IFNG-AS1: variants seen among roughly 807,000 people sequenced by gnomAD.
IFNG-AS1 encodes IFNG antisense RNA 1 (non-protein coding).
intron 3 of IFNG-AS1, among the ~76,000 whole-genome samples, chr12:68,011,161 C>T (rs147751051): frequency 0.02 from 3,116 of 152,230 alleles, 39 homozygotes; most frequent in Non-Finnish European, 0.031. Flanking sequence ...GGAAACTGTA[C>T]GACCAGAGGC....
intron 3 of IFNG-AS1, among the ~76,000 whole-genome samples, chr12:68,016,914 A>G (rs1278487573): frequency 3.3e-5 from 5 of 152,184 alleles, no homozygotes; most frequent in Non-Finnish European, 7.3e-5. Context: ...TGCCATGGTG[A>G]ATGCAGCAGG....
intron 2 of IFNG-AS1, among the ~76,000 whole-genome samples, chr12:67,999,488 A>T (rs1263562983): frequency 1.3e-5 from 2 of 152,224 alleles, no homozygotes; most frequent in Non-Finnish European, 2.9e-5. Context: ...AATGGTGGAC[A>T]CATGTTGAAA....
intron 1 of IFNG-AS1, among the ~76,000 whole-genome samples, chr12:67,993,182 AT>A (rs1879555215): frequency 6.6e-6 from 1 of 152,070 alleles, no homozygotes; most frequent in Non-Finnish European, 1.5e-5. Context: ...TTATTTTTTA[AT>A]TTCTGAATTT....
intron 1 of IFNG-AS1, among the ~76,000 whole-genome samples, chr12:67,992,939 T>C (rs1441748989): frequency 1.3e-5 from 2 of 152,198 alleles, no homozygotes; most frequent in Admixed American, 6.5e-5. Context: ...ATAACCACCA[T>C]GAACAGCCAA....
At chr12:68,019,284 C>T (rs1880229730) in intron 3 of IFNG-AS1, among the ~76,000 whole-genome samples, 2 of 152,176 alleles carry the variant, frequency 1.3e-5, no homozygotes, top group South Asian at 4.1e-4. Flanking sequence ...GTGCTTACTA[C>T]ATGCCAGGCT....
At chr12:68,011,429 C>G (rs959166111) in intron 3 of IFNG-AS1, among the ~76,000 whole-genome samples, 3 of 152,034 alleles carry the variant, frequency 2.0e-5, no homozygotes, top group Non-Finnish European at 4.4e-5. Context: ...TTCTGACCAC[C>G]CTGTATATAC....
chr12:67,989,515 A>G (rs1349108650), upstream of IFNG-AS1: 1 of 152,210 alleles, frequency 6.6e-6, no homozygotes, highest in Non-Finnish European at 1.5e-5. Context: ...TGCCAGCAAA[A>G]ACTGTAGTCA....
At chr12:67,999,529 A>C (rs962017298) in intron 2 of IFNG-AS1, among the ~76,000 whole-genome samples, 2 of 152,192 alleles carry the variant, frequency 1.3e-5, no homozygotes, top group Non-Finnish European at 2.9e-5. Flanking sequence ...AGGGGCCCCC[A>C]GTGGTCAATT....
At position 67,993,818 on chromosome 12, in the gene IFNG-AS1, C is replaced by T. The variant is rs983919929; in HGVS notation, n.52-2123C>T. On this transcript the variant is annotated intron_variant and non_coding_transcript_variant, in intron 1 of 5. Transcript: ENST00000536914. ...TTCTTTTGACTTTCCTTTTATTTTT[C>T]TTTTTGCAAACTCTTTCTGAGTTGA... 3.3e-5 allele frequency among the ~76,000 whole-genome samples: 5 copies of T among 152,122 alleles called. 1 individual carries two copies. Among genetic ancestry groups the T allele is most frequent in the Admixed American group, 3.3e-4 (5 of 15,272 alleles).
At chr12:68,003,370 C>G (rs1224299310) in intron 2 of IFNG-AS1, among the ~76,000 whole-genome samples, 1 of 151,684 alleles carries the variant, frequency 6.6e-6, no homozygotes, top group African/African-American at 2.4e-5. Context: ...GAAAAGCCTA[C>G]CTAGAACCTA....
At chr12:68,021,091 A>G (rs942723526) in intron 4 of IFNG-AS1, 1 of 152,068 alleles carries the variant, frequency 6.6e-6, no homozygotes, top group Non-Finnish European at 1.5e-5. Context: ...CCCCATACTG[A>G]TCATCCTCAG....
chr12:68,009,956 G>T (rs1879988848), intron 3 of IFNG-AS1, among the ~76,000 whole-genome samples: 1 of 152,216 alleles, frequency 6.6e-6, no homozygotes, highest in African/African-American at 2.4e-5. Context: ...TTAAGAAATT[G>T]AAAGTGTTGA....
intron 3 of IFNG-AS1, among the ~76,000 whole-genome samples, chr12:68,006,976 T>C (rs916746408): frequency 2.6e-5 from 4 of 152,216 alleles, no homozygotes; most frequent in East Asian, 3.8e-4. Flanking sequence ...AAAATAGTGA[T>C]AACTTGTTAC....
intron 3 of IFNG-AS1, among the ~76,000 whole-genome samples, chr12:68,015,954 A>T (rs567267590): frequency 3.4e-5 from 5 of 147,646 alleles, no homozygotes; most frequent in South Asian, 2.1e-4. Context: ...GGGGGGGGGA[A>T]AAAAAACCTT....
chr12:67,998,200 CATT>C lies in IFNG-AS1; in HGVS notation n.184+2128_184+2130del, dbSNP rs200394385. On this transcript the variant is annotated intron_variant and non_coding_transcript_variant, in intron 2 of 5. Coordinates refer to ENST00000536914, the Ensembl canonical transcript of IFNG-AS1. ...ATTTGCACAGGGTTATTAATTGTGA[CATT>C]GTTGTTATTGCAAAATATTGGAAAC... 8.4e-3 allele frequency among the ~76,000 whole-genome samples: 1,278 copies of C among 152,082 alleles called. 4 individuals carry two copies. Among genetic ancestry groups the C allele is most frequent in the Non-Finnish European group, 0.013 (883 of 67,918 alleles).
intron 3 of IFNG-AS1, among the ~76,000 whole-genome samples, chr12:68,010,273 T>C (rs1879996013): frequency 6.6e-6 from 1 of 152,198 alleles, no homozygotes; most frequent in Non-Finnish European, 1.5e-5. Flanking sequence ...GAGATGACCT[T>C]TGTTCAGCAT....
intron 2 of IFNG-AS1, among the ~76,000 whole-genome samples, chr12:68,000,493 C>CCCT (rs1879742869): frequency 6.6e-6 from 1 of 151,906 alleles, no homozygotes; most frequent in South Asian, 2.1e-4. Flanking sequence ...CATAGTGAGA[C>CCCT]CCTATCTCTA....
At chr12:68,008,282 G>C (rs1478315671) in intron 3 of IFNG-AS1, among the ~76,000 whole-genome samples, 4 of 152,132 alleles carry the variant, frequency 2.6e-5, no homozygotes, top group Non-Finnish European at 5.9e-5. Flanking sequence ...CAGGCATGGT[G>C]GTGGGCGCCT....
intron 1 of IFNG-AS1, among the ~76,000 whole-genome samples, chr12:67,995,552 C>G (rs1435183882): frequency 6.6e-6 from 1 of 151,412 alleles, no homozygotes; most frequent in African/African-American, 2.4e-5. Context: ...GAAACCCTGT[C>G]TCTCCTAAAA....
Sources: gnomAD v4.1 joint callset for allele counts (sites outside exome capture counted in the v4.1 genomes callset) on GRCh38, gnomAD v4.1.1 for gene constraint, MANE v1.5 for transcripts, NCBI Gene and HGNC (gene_info 2026-07-23, HGNC 2026-07-21) for gene names.